The following STXBP5L variants were observed in gnomAD, a reference collection of about 807,000 sequenced individuals.
STXBP5L encodes the protein syntaxin binding protein 5L.
In STXBP5L, 65 loss-of-function variants were observed where a neutral mutation model predicts 144.5. That is an observed-to-expected ratio of 0.45 (90% CI 0.37 to 0.55). The LOEUF (loss-of-function observed/expected upper bound fraction) is 0.55. STXBP5L is among the 20% of genes least tolerant of loss of function. STXBP5L has a pLI of 0.00. For missense variants in STXBP5L, 1,298 were observed against 1,405.5 expected, an observed-to-expected ratio of 0.92 and a Z score of 1.22; for synonymous variants, 505 against 469.6, an observed-to-expected ratio of 1.08 and a Z score of -0.97.
intron 7 of STXBP5L, among the ~76,000 whole-genome samples, chr3:121,124,729 C>T (rs1200845581): frequency 6.6e-6 from 1 of 151,830 alleles, no homozygotes; most frequent in Non-Finnish European, 1.5e-5. Context: ...GACAAATTTT[C>T]TTCCTTTCCA....
intron 3 of STXBP5L, among the ~76,000 whole-genome samples, chr3:120,971,778 A>ATG (rs1318190416): frequency 8.6e-5 from 9 of 104,724 alleles, no homozygotes; most frequent in Non-Finnish European, 1.2e-4. Flanking sequence ...ATATATGTGT[A>ATG]TGTATATATA....
intron 5 of STXBP5L, among the ~76,000 whole-genome samples, chr3:121,081,928 A>C (rs938780309): frequency 2.0e-5 from 3 of 152,182 alleles, no homozygotes; most frequent in African/African-American, 7.2e-5. Flanking sequence ...CAAATCAGAC[A>C]GGCTGTATGG....
chr3:121,060,959 G>T (rs574092597), intron 5 of STXBP5L, among the ~76,000 whole-genome samples: 2 of 151,986 alleles, frequency 1.3e-5, no homozygotes, highest in African/African-American at 4.8e-5. Flanking sequence ...GGGTTTTCCT[G>T]TCTCTATCTC....
chr3:121,103,751 T>G (rs1246101767), intron 5 of STXBP5L, among the ~76,000 whole-genome samples: 2 of 152,156 alleles, frequency 1.3e-5, no homozygotes, highest in Non-Finnish European at 2.9e-5. Context: ...AATGCTTGCA[T>G]TACAAATGAC....
chr3:121,398,639 T>C (rs1344209482), intron 22 of STXBP5L, among the ~76,000 whole-genome samples: 4 of 152,222 alleles, frequency 2.6e-5, no homozygotes, highest in Non-Finnish European at 5.9e-5. Flanking sequence ...AGTATGACCA[T>C]GCTTCCCACA....
At chr3:121,155,712 G>C (rs1168789692) in intron 8 of STXBP5L, among the ~76,000 whole-genome samples, 3 of 151,646 alleles carry the variant, frequency 2.0e-5, no homozygotes, top group South Asian at 2.1e-4. Flanking sequence ...TCAAATGCTA[G>C]CTACTCAGTA....
chr3:121,051,692 G>T (rs562604623), intron 5 of STXBP5L, among the ~76,000 whole-genome samples: 2 of 151,856 alleles, frequency 1.3e-5, no homozygotes, highest in African/African-American at 4.8e-5. Context: ...GAAGCAAGAG[G>T]AAACACATTC....
At chr3:121,042,629 G>A (rs1285435197) in intron 4 of STXBP5L, among the ~76,000 whole-genome samples, 1 of 152,032 alleles carries the variant, frequency 6.6e-6, no homozygotes, top group East Asian at 1.9e-4. Flanking sequence ...ATCTATATCT[G>A]TTTATCTTCC....
intron 10 of STXBP5L, among the ~76,000 whole-genome samples, chr3:121,220,071 A>T (rs1421694120): frequency 6.6e-6 from 1 of 152,144 alleles, no homozygotes; most frequent in Non-Finnish European, 1.5e-5. Flanking sequence ...CACAATAAAA[A>T]TAAAGAATAT....
chr3:121,397,135 G>A (rs2046750571), intron 22 of STXBP5L, among the ~76,000 whole-genome samples: 1 of 152,224 alleles, frequency 6.6e-6, no homozygotes, highest in Non-Finnish European at 1.5e-5. Context: ...ATACTTAGCA[G>A]GCTGCAGGTT....
intron 5 of STXBP5L, among the ~76,000 whole-genome samples, chr3:121,092,239 G>A (rs142749405): frequency 0.049 from 7,444 of 151,918 alleles, 233 homozygotes; most frequent in Middle Eastern, 0.075. Context: ...GCTTAGGACT[G>A]ACTTGGCAAT....
chr3:121,344,558 A>G (rs2044872579), intron 20 of STXBP5L, among the ~76,000 whole-genome samples: 2 of 152,132 alleles, frequency 1.3e-5, no homozygotes, highest in East Asian at 3.8e-4. Context: ...TTGTAAAACT[A>G]AAGTTAAGCA....
At chr3:121,271,522 T>C (rs2108419956) in intron 18 of STXBP5L, among the ~76,000 whole-genome samples, 1 of 152,308 alleles carries the variant, frequency 6.6e-6, no homozygotes, top group East Asian at 1.9e-4. Context: ...ATTGTTGTCA[T>C]TGCCTCTAGC....
At chr3:121,013,671 A>G (rs1944941523) in intron 3 of STXBP5L, among the ~76,000 whole-genome samples, 1 of 152,040 alleles carries the variant, frequency 6.6e-6, no homozygotes, top group South Asian at 2.1e-4. Flanking sequence ...TTTTAGTTCA[A>G]TTAGGTCCCA....
intron 5 of STXBP5L, among the ~76,000 whole-genome samples, chr3:121,101,023 C>A (rs1228217555): frequency 6.6e-6 from 1 of 152,022 alleles, no homozygotes; most frequent in East Asian, 1.9e-4. Flanking sequence ...GAAGCACAGC[C>A]TCCCAAGAAT....
chr3:121,322,718 T>C (rs1414722343), intron 20 of STXBP5L, among the ~76,000 whole-genome samples: 1 of 152,064 alleles, frequency 6.6e-6, no homozygotes, highest in Non-Finnish European at 1.5e-5. Context: ...ATATGCCCAG[T>C]AATGGGATTG....
intron 10 of STXBP5L, 143 bp downstream of exon 10, chr3:121,206,144 CAT>C (rs1342724269): frequency 6.8e-6 from 3 of 442,796 alleles, no homozygotes; most frequent in Non-Finnish European, 1.2e-5. Context: ...TGACTTGTCT[CAT>C]AGACATATCT....
rs992276296 is a variant in STXBP5L at position 121,020,929 on chromosome 3, A to G, written c.288-20771A>G. Among the ~76,000 whole-genome samples, 5 of 152,210 alleles carry G rather than the reference A, an allele frequency of 3.3e-5. No homozygotes were observed. The East Asian group carries it at 9.6e-4, about 29-fold the overall frequency. On this transcript the variant is annotated intron_variant, in intron 3 of 26. Transcript: ENST00000471454. ...TAGTACCTTATATCTCAATGCTAAC[A>G]TTGAATGTAAATGGCCTAATTTCTC...
chr3:120,912,025 C>T (rs1708865907), intron 2 of STXBP5L, among the ~76,000 whole-genome samples: 1 of 151,950 alleles, frequency 6.6e-6, no homozygotes, highest in Non-Finnish European at 1.5e-5. Context: ...AAGTATAAAT[C>T]TAGACTTGGC....
Sources: gnomAD v4.1 joint callset for allele counts (sites outside exome capture counted in the v4.1 genomes callset) on GRCh38, gnomAD v4.1.1 for gene constraint, MANE v1.5 for transcripts, NCBI Gene and HGNC (gene_info 2026-07-23, HGNC 2026-07-21) for gene names.